NEMF: variants seen among roughly 807,000 people sequenced by gnomAD.
NEMF encodes the protein ribosome quality control complex subunit NEMF.
Under a neutral mutation model 162.2 loss-of-function variants are expected in NEMF, and 89 were observed. The ratio of observed to expected loss-of-function variants is 0.55; its 90% CI spans 0.46 to 0.65. The LOEUF is 0.65. Ranked by LOEUF, NEMF falls within the 30% of genes least tolerant of loss-of-function variation. The pLI is 0.00. For missense variants in NEMF, 1,133 were observed against 1,261.9 expected, an observed-to-expected ratio of 0.90 and a Z score of 1.55; for synonymous variants, 421 against 404.5, an observed-to-expected ratio of 1.04 and a Z score of -0.49.
At chr14:49,840,006 A>G (rs540189422) in intron 5 of NEMF, among the ~76,000 whole-genome samples, 1 of 152,270 alleles carries the variant, frequency 6.6e-6, no homozygotes, top group South Asian at 2.1e-4. Flanking sequence ...AAAAAAATTT[A>G]AAAATTAGCC....
Position 49,784,110 on chromosome 14 carries a change from T to C in NEMF, c.*526A>G, listed in dbSNP as rs993097410. 2.6e-5 allele frequency: 4 copies of C among 151,688 alleles called. No individual in the cohort carries two copies. Among genetic ancestry groups the C allele is most frequent in the Middle Eastern group, 7.1e-3 (2 of 280 alleles). 9.4% of individuals were successfully genotyped at this position (151,688 alleles called of 1,614,324 possible). A position where few individuals can be genotyped will look rare whatever the true frequency, so the allele number is the denominator to read the frequency against. The stretch of plus-strand genomic sequence containing the variant: ...AGAAAATGTAGAATAACTACAGATG[T>C]ATATAATTAGCATTTAACTGTCCAC... On this transcript the variant is annotated 3_prime_UTR_variant, in exon 33 of 33. Coordinates refer to ENST00000298310, the MANE Select transcript of NEMF (RefSeq NM_004713.6).
chr14:49,814,580 G>C (rs1283298946), intron 17 of NEMF, among the ~76,000 whole-genome samples, 174 bp downstream of exon 17: 2 of 152,150 alleles, frequency 1.3e-5, no homozygotes, highest in Non-Finnish European at 2.9e-5. Flanking sequence ...ATTCACTTAA[G>C]AACTAAAAGC....
Position 49,783,068 on chromosome 14 carries a change from TA to T in NEMF, c.*1567del, listed in dbSNP as rs1889987947. 9.0e-7 allele frequency: 1 copy of T among 1,108,428 alleles called. No homozygotes were observed. Among genetic ancestry groups the T allele is most frequent in the Admixed American group, 2.5e-5 (1 of 39,404 alleles). 68.7% of individuals were successfully genotyped at this position (1,108,428 alleles called of 1,614,324 possible). On this transcript the variant is annotated 3_prime_UTR_variant, in exon 33 of 33. Transcript: ENST00000298310. ...TGTTGTAGTTTGCACCTGTTGGTTT[TA>T]ATGTGCATGTGAATGGCCTAGAGAA...
At chr14:49,790,885 T>C (rs1461848288) in intron 26 of NEMF, among the ~76,000 whole-genome samples, 1 of 151,880 alleles carries the variant, frequency 6.6e-6, no homozygotes, top group Non-Finnish European at 1.5e-5. Flanking sequence ...CCCAGCTACT[T>C]GGGAGTCTGA....
At chr14:49,799,601 A>G in intron 24 of NEMF, 35 bp downstream of exon 24, 1 of 1,598,608 alleles carries the variant, frequency 6.3e-7, no homozygotes, top group Non-Finnish European at 8.5e-7. Context: ...TTCACTGAGA[A>G]TCGGATGTTC....
intron 16 of NEMF, among the ~76,000 whole-genome samples, chr14:49,816,405 T>C (rs1209117989): frequency 2.0e-5 from 3 of 152,234 alleles, no homozygotes; most frequent in Non-Finnish European, 4.4e-5. Flanking sequence ...CTCAGAAGCA[T>C]GTGATCTTTG....
Position 49,782,894 on chromosome 14 carries a change from A to G in NEMF, c.*1742T>C. The G allele has an allele frequency of 1.2e-6, 2 of 1,613,768 alleles. No homozygotes were observed. Among genetic ancestry groups the G allele is most frequent in the Non-Finnish European group, 1.7e-6 (2 of 1,179,730 alleles). ...AGCCAACTCATGGAACTGCCTTCCA[A>G]AACACTTACTTCACAGTGTTAATCA... is the stretch of plus-strand genomic sequence containing the variant. On this transcript the variant is annotated 3_prime_UTR_variant, in exon 33 of 33. Transcript: ENST00000298310.
At chr14:49,791,983 A>AC (rs375309962) in intron 26 of NEMF, among the ~76,000 whole-genome samples, 288 of 151,900 alleles carry the variant, frequency 1.9e-3, no homozygotes, top group African/African-American at 6.7e-3. Context: ...GTTCTTACAA[A>AC]CCTCCTCAAA....
chr14:49,834,575 A>G (rs1892806772), intron 6 of NEMF, 126 bp from the exon 7 acceptor site: 2 of 592,368 alleles, frequency 3.4e-6, no homozygotes, highest in Non-Finnish European at 6.0e-6. Flanking sequence ...GCTCACTGCA[A>G]CCTCTGCCTC....
At chr14:49,816,734 T>C (rs1191068678) in intron 16 of NEMF, among the ~76,000 whole-genome samples, 5 of 152,240 alleles carry the variant, frequency 3.3e-5, no homozygotes, top group Non-Finnish European at 7.3e-5. Context: ...CACCTAAAAG[T>C]ACATTTTCTT....
chr14:49,803,949 G>C (rs1243476864), intron 19 of NEMF, among the ~76,000 whole-genome samples: 1 of 151,750 alleles, frequency 6.6e-6, no homozygotes, highest in African/African-American at 2.4e-5. Flanking sequence ...CTAAAATAAA[G>C]CTCTATTTAT....
intron 4 of NEMF, among the ~76,000 whole-genome samples, chr14:49,842,537 T>C (rs1026802704): frequency 5.3e-5 from 8 of 152,174 alleles, no homozygotes; most frequent in Non-Finnish European, 1.0e-4. Flanking sequence ...CAAAGAAGCA[T>C]CCATGAAAAC....
chr14:49,839,297 G>C (rs1408675346), intron 5 of NEMF: 1 of 151,798 alleles, frequency 6.6e-6, no homozygotes, highest in African/African-American at 2.4e-5. Flanking sequence ...GGTCAGGCTG[G>C]TCTGAACTCC....
intron 8 of NEMF, 119 bp downstream of exon 8, chr14:49,833,304 A>G (rs1892734171): frequency 5.5e-6 from 3 of 542,264 alleles, no homozygotes; most frequent in South Asian, 4.3e-5. Flanking sequence ...TAAGCATATT[A>G]CAGATAACAA....
chr14:49,786,678 A>G (rs772054006), intron 29 of NEMF, 40 bp downstream of exon 29: 1 of 1,564,308 alleles, frequency 6.4e-7, no homozygotes, highest in African/African-American at 1.4e-5. Flanking sequence ...CTGAATTGTA[A>G]TCACAGTGTT....
intron 26 of NEMF, among the ~76,000 whole-genome samples, chr14:49,793,080 C>T (rs1213840026): frequency 2.0e-5 from 3 of 152,174 alleles, no homozygotes; most frequent in Non-Finnish European, 4.4e-5. Context: ...TGTCCTTCAA[C>T]AACCCAAAGG....
chr14:49,835,958 T>C (rs912901432), intron 6 of NEMF, among the ~76,000 whole-genome samples: 5 of 152,162 alleles, frequency 3.3e-5, no homozygotes, highest in Non-Finnish European at 4.4e-5. Flanking sequence ...TCTAAATAAA[T>C]AGTCAGACAT....
At chr14:49,817,393 T>C (rs540756475) in intron 16 of NEMF, among the ~76,000 whole-genome samples, 4 of 152,162 alleles carry the variant, frequency 2.6e-5, no homozygotes, top group East Asian at 1.9e-4. Flanking sequence ...TGAGCCAAGA[T>C]TGCACCACTG....
intron 3 of NEMF, among the ~76,000 whole-genome samples, chr14:49,850,883 G>T (rs1398707964): frequency 1.3e-5 from 2 of 152,086 alleles, no homozygotes; most frequent in African/African-American, 4.8e-5. Context: ...AAAAGGTGAG[G>T]TAACTAATGA....
Sources: gnomAD v4.1 joint callset for allele counts (sites outside exome capture counted in the v4.1 genomes callset) on GRCh38, gnomAD v4.1.1 for gene constraint, MANE v1.5 for transcripts, NCBI Gene and HGNC (gene_info 2026-07-23, HGNC 2026-07-21) for gene names.